TMEM117: variants seen among roughly 807,000 people sequenced by gnomAD.
TMEM117 encodes the protein transmembrane protein 117.
TMEM117 carries 27 observed loss-of-function variants against 52.4 expected under a neutral mutation model. The observed-to-expected ratio is 0.51, with a 90% CI of 0.38 to 0.71. TMEM117 has a LOEUF of 0.71. Ranked by LOEUF, TMEM117 falls within the 30% of genes least tolerant of loss-of-function variation. The pLI is 0.00. For missense variants in TMEM117, 556 were observed against 630.5 expected (o/e 0.88, Z 1.26); for synonymous variants, 215 against 206.3 (o/e 1.04, Z -0.36).
chr12:43,991,926 T>G (rs934571140), intron 3 of TMEM117, among the ~76,000 whole-genome samples: 1 of 152,112 alleles, frequency 6.6e-6, no homozygotes, highest in African/African-American at 2.4e-5. Context: ...TTGGGAGGCC[T>G]AGGCGGACGG....
At chr12:44,215,172 C>A (rs948285438) in intron 5 of TMEM117, among the ~76,000 whole-genome samples, 1 of 152,202 alleles carries the variant, frequency 6.6e-6, no homozygotes, top group East Asian at 1.9e-4. Context: ...TGACTATGCA[C>A]AGCAGTTTGA....
At chr12:44,115,243 G>A (rs1156791731) in intron 3 of TMEM117, among the ~76,000 whole-genome samples, 2 of 152,118 alleles carry the variant, frequency 1.3e-5, no homozygotes, top group Non-Finnish European at 2.9e-5. Context: ...ACCCTCATAG[G>A]TGGGAATTGA....
chr12:44,262,800 G>A (rs936648710), intron 5 of TMEM117, among the ~76,000 whole-genome samples: 1 of 152,158 alleles, frequency 6.6e-6, no homozygotes, highest in Non-Finnish European at 1.5e-5. Flanking sequence ...TGTTAGCCAA[G>A]ATGGTCTCCA....
At chr12:43,920,557 T>G (rs2137554745) in intron 2 of TMEM117, among the ~76,000 whole-genome samples, 1 of 147,866 alleles carries the variant, frequency 6.8e-6, no homozygotes, top group Non-Finnish European at 1.5e-5. Context: ...GCCTTTTTTT[T>G]TTTTTTTTTT....
intron 3 of TMEM117, among the ~76,000 whole-genome samples, chr12:43,952,885 A>T (rs764432298): frequency 1.3e-5 from 2 of 152,172 alleles, no homozygotes; most frequent in Non-Finnish European, 2.9e-5. Context: ...TGCTAAGGGC[A>T]GCAAGAGAAA....
intron 5 of TMEM117, among the ~76,000 whole-genome samples, chr12:44,268,150 T>TG (rs1450240600): frequency 1.3e-5 from 2 of 152,112 alleles, no homozygotes; most frequent in Non-Finnish European, 2.9e-5. Flanking sequence ...CATCTTTTTT[T>TG]TTTTTGAGAC....
chr12:44,211,024 T>C (rs1253450438), intron 4 of TMEM117, among the ~76,000 whole-genome samples: 2 of 152,150 alleles, frequency 1.3e-5, no homozygotes, highest in Non-Finnish European at 2.9e-5. Flanking sequence ...TGGTACTGTC[T>C]TATATCCGGT....
At chr12:44,237,731 C>A (rs572857409) in intron 5 of TMEM117, among the ~76,000 whole-genome samples, 5 of 151,334 alleles carry the variant, frequency 3.3e-5, no homozygotes, top group Admixed American at 1.3e-4. Flanking sequence ...AAAAAAAAAA[C>A]AAAACTGGGA....
At chr12:43,818,950 C>G in the TMEM117 span, among the ~76,000 whole-genome samples, 1 of 152,132 alleles carries the variant, frequency 6.6e-6, no homozygotes, top group African/African-American at 2.4e-5. Context: ...TTAAATACAT[C>G]TCAGTGCCAC....
intron 6 of TMEM117, among the ~76,000 whole-genome samples, chr12:44,308,769 G>C (rs191721984): frequency 1.3e-5 from 2 of 152,066 alleles, no homozygotes; most frequent in Admixed American, 6.6e-5. Flanking sequence ...ACAGGCGCCT[G>C]CCACCGCGCC....
At chr12:44,223,636 A>G (rs1949820004) in intron 5 of TMEM117, among the ~76,000 whole-genome samples, 1 of 152,186 alleles carries the variant, frequency 6.6e-6, no homozygotes, top group African/African-American at 2.4e-5. Context: ...TCCTAAGAAT[A>G]GGCTGCTCAC....
At chr12:43,964,674 T>C (rs1945456645) in intron 3 of TMEM117, among the ~76,000 whole-genome samples, 1 of 152,168 alleles carries the variant, frequency 6.6e-6, no homozygotes, top group Admixed American at 6.6e-5. Context: ...GAAATCTATT[T>C]CATGAGGAAG....
intron 3 of TMEM117, among the ~76,000 whole-genome samples, chr12:44,047,049 G>A (rs1220020214): frequency 1.3e-5 from 2 of 152,056 alleles, no homozygotes; most frequent in African/African-American, 4.8e-5. Context: ...ATTGGATTGA[G>A]GGATACAAAG....
rs936476647 is a variant in TMEM117 at position 44,186,964 on chromosome 12, C to T, written c.511-24326C>T. On this transcript the variant is annotated intron_variant, in intron 4 of 7. Transcript: ENST00000266534. The stretch of plus-strand genomic sequence containing the variant: ...TACCCTACCTTTAAGCAGGCCTACC[C>T]TATTCCTTGGGAGTCATTTCAACAG... 3.9e-4 allele frequency among the ~76,000 whole-genome samples: 59 copies of T among 152,056 alleles called. 1 individual carries two copies. Among genetic ancestry groups the T allele is most frequent in the Admixed American group, 3.9e-4 (6 of 15,260 alleles).
At chr12:44,042,807 CA>C (rs1220179307) in intron 3 of TMEM117, among the ~76,000 whole-genome samples, 200 of 127,090 alleles carry the variant, frequency 1.6e-3, no homozygotes, top group South Asian at 9.0e-3. Context: ...CACACACACA[CA>C]CTTATTAGTT....
intron 3 of TMEM117, among the ~76,000 whole-genome samples, chr12:43,978,194 C>T (rs765910434): frequency 6.6e-6 from 1 of 152,076 alleles, no homozygotes; most frequent in Non-Finnish European, 1.5e-5. Context: ...TGCAGGTCTG[C>T]TTGATTATTA....
chr12:44,178,020 A>G (rs921794615), intron 4 of TMEM117, among the ~76,000 whole-genome samples: 4 of 152,206 alleles, frequency 2.6e-5, no homozygotes, highest in Non-Finnish European at 5.9e-5. Context: ...GACACATAAT[A>G]TAATTCACCT....
At chr12:43,853,864 A>G (rs188322985) in intron 2 of TMEM117, among the ~76,000 whole-genome samples, 3 of 152,160 alleles carry the variant, frequency 2.0e-5, no homozygotes, top group African/African-American at 4.8e-5. Context: ...CTCAAGCGTG[A>G]GTGGGATTAA....
the TMEM117 span, among the ~76,000 whole-genome samples, chr12:43,812,694 C>A: frequency 1.2e-3 from 181 of 152,096 alleles, 2 homozygotes; most frequent in African/African-American, 3.8e-3. Flanking sequence ...TGATCCTATA[C>A]TAGGCTGGGC....
Sources: allele counts gnomAD v4.1 joint callset (sites outside exome capture counted in the v4.1 genomes callset), GRCh38; gene constraint gnomAD v4.1.1; transcripts MANE v1.5; gene names NCBI Gene and HGNC (gene_info 2026-07-23, HGNC 2026-07-21).